The following PRRC2C variants were observed in gnomAD, a reference collection of about 807,000 sequenced individuals.
PRRC2C encodes protein PRRC2C.
A neutral mutation model predicts 317.2 loss-of-function variants in PRRC2C; 72 were observed. That is an observed-to-expected ratio of 0.23 (90% CI 0.19 to 0.28). The LOEUF (loss-of-function observed/expected upper bound fraction) is 0.28, where lower values mean the gene tolerates loss of function less well. Among genes scored for constraint, PRRC2C ranks in the 10% least tolerant of loss-of-function variants. The pLI, the probability that PRRC2C is intolerant of heterozygous loss-of-function variation, is 1.00. For missense variants in PRRC2C, 3,074 were observed against 3,459.7 expected, an observed-to-expected ratio of 0.89 and a Z score of 2.80; for synonymous variants, 1,296 against 1,205.9, an observed-to-expected ratio of 1.07 and a Z score of -1.55.
At chr1:171,584,596 G>C in intron 30 of PRRC2C, 70 bp downstream of exon 30, 8 of 1,472,202 alleles carry the variant, frequency 5.4e-6, no homozygotes, top group Non-Finnish European at 7.3e-6. Context: ...TTATTGTTTG[G>C]GAATTTAAAT....
Position 171,485,704 on chromosome 1 carries a change from G to A in PRRC2C, c.-89G>A, listed in dbSNP as rs1375152236. The stretch of plus-strand genomic sequence containing the variant: ...CGATCAGAGATCGGCGGAGACCCTC[G>A]AAGTGCGCAAACTTGACACTCACCC... On this transcript the variant is annotated 5_prime_UTR_variant, in exon 1 of 35. Transcript: ENST00000647382. The A allele has an allele frequency of 6.6e-6, 1 of 152,430 alleles. No individual in the cohort carries two copies. The highest frequency in any genetic ancestry group is 1.9e-4 in the East Asian group (1 of 5,180). The allele number at this position is 152,430 out of a possible 1,614,324, so 9.4% of individuals were successfully genotyped here.
intron 19 of PRRC2C, among the ~76,000 whole-genome samples, chr1:171,560,403 G>GAGACTATTA (rs1304346071): frequency 1.3e-5 from 2 of 152,042 alleles, no homozygotes. Context: ...AATGGGATTT[G>GAGACTATTA]ACTCCAGTTT....
At chr1:171,548,159 G>GT (rs1557975892) in intron 17 of PRRC2C, among the ~76,000 whole-genome samples, 1 of 151,442 alleles carries the variant, frequency 6.6e-6, no homozygotes. Context: ...TAGAGAGAGG[G>GT]TTTTTTACCA....
rs1366670697 is a variant in PRRC2C, at chr1:171,536,150, C to T, written c.2165C>T (p.Pro722Leu). The T allele has an allele frequency of 1.9e-6, 3 of 1,603,672 alleles. No individual in the cohort carries two copies. Among genetic ancestry groups the T allele is most frequent in the Non-Finnish European group, 2.6e-6 (3 of 1,174,570 alleles). Residue 722 changes from proline to leucine, a missense_variant, in exon 14 of 35, where the codon CCT becomes CTT. Pro to Leu is a moderately conservative substitution (Grantham distance 98). Transcript: ENST00000647382. ...PPPPHRPLYQPMQPHPQHLAS... is the reference protein window; with the variant it reads ...PPPPHRPLYQLMQPHPQHLAS... ...CCACCACACAGACCTCTTTATCAGC[C>T]TATGCAGCCTCATCCTCAGCATTTG...
In PRRC2C at chr1:171,540,444, C is replaced by T. The variant is rs1677759515; in HGVS notation, c.2978C>T (p.Thr993Ile). Residue 993 changes from threonine (T) to isoleucine (I), a missense_variant, in exon 16 of 35, where the codon ACT becomes ATT. Physicochemically the swap from Thr to Ile is moderately conservative, Grantham distance 89. This residue lies in a region of PRRC2C where 1,320 missense variants were observed against 1,395.7 expected (regional missense o/e 0.95). Transcript: ENST00000647382. Reference sequence around the variant, plus strand: ...AAAGTATATAAATCTAAATCAGAAACTCGTTGGGGCCCACGACCAAGCTCT... The same window carrying T: ...AAAGTATATAAATCTAAATCAGAAATTCGTTGGGGCCCACGACCAAGCTCT... ...PEKVYKSKSE[T>I]RWGPRPSSNR... is the part of the protein sequence containing the mutation. 1 of 1,612,904 alleles carries T rather than the reference C, an allele frequency of 6.2e-7. No homozygotes were observed. The highest frequency in any genetic ancestry group is 2.2e-5 in the East Asian group (1 of 44,840).
In PRRC2C at chr1:171,527,862, G is replaced by GT. The variant is rs1674944607; in HGVS notation, c.1254+21dup. Reference sequence around the variant, plus strand: ...CACAGCAGGTAAATTTTAAGTGCTTGTTTATGGATTATATATTTTATTTGA... The same window carrying GT: ...CACAGCAGGTAAATTTTAAGTGCTTGTTTTATGGATTATATATTTTATTTGA... On this transcript the variant is annotated intron_variant, in intron 11 of 34. Transcript: ENST00000647382. 4 of 1,554,986 alleles carry GT rather than the reference G, an allele frequency of 2.6e-6. 1 individual carries two copies. Among genetic ancestry groups the GT allele is most frequent in the Non-Finnish European group, 3.5e-6 (4 of 1,144,244 alleles).
At chr1:171,526,791 A>T (rs1674645486) in intron 10 of PRRC2C, among the ~76,000 whole-genome samples, 1 of 138,196 alleles carries the variant, frequency 7.2e-6, no homozygotes, top group East Asian at 2.0e-4. Flanking sequence ...AAATCATTAC[A>T]TTCAGAAATA....
At chr1:171,489,120 T>C (rs1296503660) in intron 1 of PRRC2C, among the ~76,000 whole-genome samples, 2 of 152,144 alleles carry the variant, frequency 1.3e-5, no homozygotes, top group African/African-American at 2.4e-5. Flanking sequence ...TTATATGTTA[T>C]TGAATGAATG....
At chr1:171,516,235 T>G (rs4916231) in intron 5 of PRRC2C, among the ~76,000 whole-genome samples, 25,130 of 152,196 alleles carry the variant, frequency 0.17, 2,111 homozygotes, top group Middle Eastern at 0.3. Context: ...CTTTCTGAGC[T>G]CAAACTGAGG....
At chr1:171,570,218 A>C (rs532033350) in intron 23 of PRRC2C, among the ~76,000 whole-genome samples, 55 of 152,330 alleles carry the variant, frequency 3.6e-4, no homozygotes, top group African/African-American at 9.6e-4. Flanking sequence ...CTTCATGGGA[A>C]AAAATTTAGG....
intron 1 of PRRC2C, among the ~76,000 whole-genome samples, chr1:171,496,076 G>A (rs1355134679): frequency 6.6e-6 from 1 of 151,820 alleles, no homozygotes; most frequent in Non-Finnish European, 1.5e-5. Flanking sequence ...CCTCACCAAG[G>A]CCCCATCTCC....
intron 31 of PRRC2C, 37 bp downstream of exon 31, chr1:171,587,258 T>G: frequency 6.6e-7 from 1 of 1,526,428 alleles, no homozygotes; most frequent in Non-Finnish European, 8.9e-7. Flanking sequence ...TATTTGAGAA[T>G]TTAAGGTAGT....
At position 171,541,689 on chromosome 1, in the gene PRRC2C, C is replaced by T. The variant is rs1273266967; in HGVS notation, c.4223C>T (p.Pro1408Leu). The T allele has an allele frequency of 1.2e-6, 2 of 1,613,858 alleles. No individual in the cohort carries two copies. The highest frequency in any genetic ancestry group is 2.2e-5 in the East Asian group (1 of 44,876). Residue 1408 changes from proline to leucine, a missense_variant, in exon 16 of 35, where the codon CCT becomes CTT. Transcript: ENST00000647382. The surrounding 1 kb of genome is among the most constrained non-coding windows in gnomAD (Gnocchi z 4.1). ...ATTCCTATAGCAGCAGATAAACGACCTCCAAAATTTGAGCGAAAATTTGAC... is the reference window on the plus strand; with the variant it reads ...ATTCCTATAGCAGCAGATAAACGACTTCCAAAATTTGAGCGAAAATTTGAC... ...QFIPIAADKRPPKFERKFDPA... is the reference protein window; with the variant it reads ...QFIPIAADKRLPKFERKFDPA...
At chr1:171,586,006 A>G (rs1028093847) in intron 30 of PRRC2C, among the ~76,000 whole-genome samples, 1 of 151,772 alleles carries the variant, frequency 6.6e-6, no homozygotes. Context: ...AACTTTGTGC[A>G]TGAAACAGAA....
At chr1:171,537,495 A>T in intron 15 of PRRC2C, 22 bp downstream of exon 15, 1 of 1,531,292 alleles carries the variant, frequency 6.5e-7, no homozygotes, top group Non-Finnish European at 8.9e-7. Context: ...TTTCAATTTA[A>T]TAGATGATAC....
At chr1:171,553,425 T>C (rs1307027366) in intron 18 of PRRC2C, among the ~76,000 whole-genome samples, 1 of 152,016 alleles carries the variant, frequency 6.6e-6, no homozygotes, top group Admixed American at 6.6e-5. Flanking sequence ...CCTAGATTCA[T>C]TGATTTTTTT....
At chr1:171,568,427 G>A in intron 23 of PRRC2C, 88 bp downstream of exon 23, 1 of 1,478,648 alleles carries the variant, frequency 6.8e-7, no homozygotes, top group Non-Finnish European at 9.0e-7. Flanking sequence ...ATTTACTGTA[G>A]TGATCAATAT....
chr1:171,544,864 G>C (rs1014829545), intron 16 of PRRC2C, among the ~76,000 whole-genome samples: 3 of 152,072 alleles, frequency 2.0e-5, no homozygotes, highest in African/African-American at 7.2e-5. Context: ...AAATGAATTA[G>C]TAAACCCATT....
chr1:171,591,960 G>C lies in PRRC2C; in HGVS notation c.*113G>C. 7.3e-7 allele frequency: 1 copy of C among 1,371,120 alleles called. No homozygotes were observed. The highest frequency in any genetic ancestry group is 2.2e-5 in the Admixed American group (1 of 44,800). The allele number at this position is 1,371,120 out of a possible 1,614,324, so 84.9% of individuals were successfully genotyped here. On this transcript the variant is annotated 3_prime_UTR_variant, in exon 35 of 35. Transcript: ENST00000647382. Reference sequence around the variant, plus strand: ...ATGGCCTGTGACATTATCCTGTTCAGAGCTTGGAGATGTACAAGGGACATA... The same window carrying C: ...ATGGCCTGTGACATTATCCTGTTCACAGCTTGGAGATGTACAAGGGACATA...
Sources: allele counts gnomAD v4.1 joint callset (sites outside exome capture counted in the v4.1 genomes callset), GRCh38; gene constraint gnomAD v4.1.1; regional missense constraint gnomAD v4.1.1; non-coding constraint Gnocchi (gnomAD v3.1); transcripts MANE v1.5; gene names NCBI Gene and HGNC (gene_info 2026-07-23, HGNC 2026-07-21).